The following MEI1 variants were observed in gnomAD, a reference collection of about 807,000 sequenced individuals.
The protein encoded by MEI1 is meiotic double-stranded break formation protein 1.
A neutral mutation model predicts 146.2 loss-of-function variants in MEI1; 103 were observed. That is an observed-to-expected ratio of 0.70 (90% confidence interval 0.60 to 0.83). The LOEUF is 0.83. Among genes scored for constraint, MEI1 ranks in the 40% least tolerant of loss-of-function variants. The pLI, the probability that MEI1 is intolerant of heterozygous loss-of-function variation, is 0.00. For synonymous variants in MEI1, 652 were observed against 628.2 expected (o/e 1.04, Z -0.57); for missense variants, 1,529 against 1,533.0 (o/e 1.00, Z 0.04).
At chr22:41,784,499 A>T (rs1173253892) in intron 25 of MEI1, 79 bp downstream of exon 25, 1 of 1,585,246 alleles carries the variant, frequency 6.3e-7, no homozygotes, top group East Asian at 2.2e-5. Flanking sequence ...TGACCAGCCA[A>T]TGGTCACTCC....
intron 14 of MEI1, chr22:41,747,411 T>G (rs2073382063): frequency 6.6e-6 from 1 of 152,324 alleles, no homozygotes; most frequent in Admixed American, 6.6e-5. Flanking sequence ...TGACCAGCCT[T>G]AATAATAACG....
In MEI1 at chr22:41,784,641, G is replaced by A. The variant is rs767987047; in HGVS notation, c.3203G>A (p.Arg1068Gln). 1.4e-5 allele frequency: 23 copies of A among 1,613,376 alleles called. No homozygotes were observed. The highest frequency in any genetic ancestry group is 1.7e-4 in the Middle Eastern group (1 of 6,060). The change falls in exon 26 of 31, where the codon CGA becomes CAA. Residue 1068 changes from arginine to glutamine, a missense_variant. Coordinates refer to ENST00000401548, the MANE Select transcript of MEI1 (RefSeq NM_152513.4). ...AILCFLRTAL[R>Q]QSFSSALVAL... Reference sequence around the variant, plus strand: ...TTATGCTTCCTGCGGACAGCCCTGCGACAAAGCTTTTCCTCTGCCCTGGTA... The same window carrying A: ...TTATGCTTCCTGCGGACAGCCCTGCAACAAAGCTTTTCCTCTGCCCTGGTA...
intron 6 of MEI1, among the ~76,000 whole-genome samples, chr22:41,723,098 C>G (rs1486810880): frequency 1.3e-5 from 2 of 152,202 alleles, no homozygotes; most frequent in Admixed American, 1.3e-4. Context: ...ATGGTACTTG[C>G]TGATGGAAGG....
rs368271605 is a variant in MEI1 at position 41,730,650 on chromosome 22, G to T, written c.1096+13G>T. On this transcript the variant is annotated intron_variant, in intron 9 of 30. Coordinates refer to ENST00000401548, the MANE Select transcript of MEI1 (RefSeq NM_152513.4). ...CACACGGTGTATGGTTGGTAGTAAGGGTCCTGTACTAGCTTTGGGTTGGGT... is the reference window on the plus strand; with the variant it reads ...CACACGGTGTATGGTTGGTAGTAAGTGTCCTGTACTAGCTTTGGGTTGGGT... The T allele has an allele frequency of 6.3e-7, 1 of 1,579,350 alleles. No homozygotes were observed. The highest frequency in any genetic ancestry group is 8.7e-7 in the Non-Finnish European group (1 of 1,148,532).
At chr22:41,756,822 G>A (rs948228893) in intron 17 of MEI1, among the ~76,000 whole-genome samples, 4 of 152,170 alleles carry the variant, frequency 2.6e-5, no homozygotes, top group South Asian at 2.1e-4. Context: ...TTATGAAACC[G>A]TTTTCGTAAG....
chr22:41,750,129 C>A (rs1335100480), intron 15 of MEI1, among the ~76,000 whole-genome samples: 3 of 152,282 alleles, frequency 2.0e-5, no homozygotes, highest in Non-Finnish European at 4.4e-5. Context: ...ACAAAACAGA[C>A]CCCTGTCCTT....
At position 41,723,979 on chromosome 22, in the gene MEI1, T is replaced by G; in HGVS notation, c.770T>G (p.Val257Gly). The change falls in exon 7 of 31, where the codon GTG becomes GGG. Residue 257 changes from valine to glycine, a missense_variant. Coordinates refer to ENST00000401548, the MANE Select transcript of MEI1 (RefSeq NM_152513.4). ...LRQLLKYDLF[V>G]SMIMNQDGLG... ...CAGCTGTTGAAGTATGATCTCTTTG[T>G]GTCCATGATCATGAACCAGGATGGA... The G allele has an allele frequency of 6.2e-7, 1 of 1,610,984 alleles. No individual in the cohort carries two copies. Among genetic ancestry groups the G allele is most frequent in the Non-Finnish European group, 8.5e-7 (1 of 1,178,530 alleles).
At position 41,732,244 on chromosome 22, in the gene MEI1, G is replaced by A. The variant is rs1043792591; in HGVS notation, c.1097-1G>A. 1.2e-5 allele frequency: 20 copies of A among 1,606,822 alleles called. No homozygotes were observed. The highest frequency in any genetic ancestry group is 1.4e-5 in the Non-Finnish European group (17 of 1,176,844). ...GCCTCTGTCATGTCATCCTGTGGTA[G>A]GGATCGAGGCAGTGGTGAGGAGCCT... On this transcript the variant is annotated splice_acceptor_variant, in intron 9 of 30. Transcript: ENST00000401548. LOFTEE classifies it high-confidence loss of function.
At chr22:41,798,697 A>G (rs2076464403) in intron 30 of MEI1, among the ~76,000 whole-genome samples, 2 of 151,644 alleles carry the variant, frequency 1.3e-5, no homozygotes. Flanking sequence ...GTAAAACCCC[A>G]TCTCTACTAA....
intron 16 of MEI1, 65 bp from the exon 17 acceptor site, chr22:41,753,884 G>A (rs866820418): frequency 1.1e-5 from 12 of 1,139,198 alleles, no homozygotes; most frequent in Admixed American, 6.8e-5. Context: ...ATATGGCAGG[G>A]ATAATGCTCT....
chr22:41,735,063 G>A (rs927319634), intron 11 of MEI1, among the ~76,000 whole-genome samples: 3 of 151,454 alleles, frequency 2.0e-5, no homozygotes, highest in African/African-American at 7.3e-5. Context: ...CCAGGTTCAC[G>A]CCATTCTCCT....
intron 26 of MEI1, among the ~76,000 whole-genome samples, chr22:41,790,203 C>T (rs2076128915): frequency 6.6e-6 from 1 of 152,166 alleles, no homozygotes; most frequent in Non-Finnish European, 1.5e-5. Context: ...GTGCCTCAGC[C>T]TACCAAGTAG....
intron 22 of MEI1, 163 bp downstream of exon 22, chr22:41,778,975 G>A (rs1433387867): frequency 1.4e-5 from 8 of 575,876 alleles, no homozygotes; most frequent in Non-Finnish European, 2.5e-5. Flanking sequence ...GGACCTCTCA[G>A]GGCTTTCTCT....
chr22:41,798,731 G>T (rs761523870), intron 30 of MEI1, among the ~76,000 whole-genome samples: 1 of 152,004 alleles, frequency 6.6e-6, no homozygotes, highest in Non-Finnish European at 1.5e-5. Context: ...AGCCGGGCAT[G>T]GTGGTGCATG....
intron 6 of MEI1, among the ~76,000 whole-genome samples, chr22:41,719,504 G>A (rs2070543473): frequency 6.6e-6 from 1 of 152,190 alleles, no homozygotes. Context: ...GTCCTTTTAT[G>A]AGGAGCCTAC....
At position 41,753,975 on chromosome 22, in the gene MEI1, C is replaced by G. The variant is rs542545385; in HGVS notation, c.1880C>G (p.Ser627Cys). The G allele has an allele frequency of 6.1e-5, 98 of 1,613,446 alleles. No homozygotes were observed. In the Admixed American group the frequency reaches 6.2e-4, roughly 10 times the overall value. ...LSHSALNQVC[S>C]NFLYYMCLNL... ...CACTCAGCCCTAAACCAGGTGTGTT[C>G]CAATTTCCTCTACTATATGTGCCTC... Residue 627 changes from serine to cysteine, a missense_variant, in exon 17 of 31, where the codon TCC becomes TGC. Transcript: ENST00000401548.
intron 11 of MEI1, among the ~76,000 whole-genome samples, chr22:41,735,826 G>T (rs1408893866): frequency 2.0e-5 from 3 of 152,134 alleles, no homozygotes; most frequent in Admixed American, 2.0e-4. Flanking sequence ...TTCTCTTACT[G>T]TAGTTCCTCT....
At chr22:41,757,606 C>G (rs1035284572) in intron 17 of MEI1, among the ~76,000 whole-genome samples, 6 of 152,158 alleles carry the variant, frequency 3.9e-5, no homozygotes, top group African/African-American at 1.4e-4. Flanking sequence ...ATATACCCTC[C>G]TCAGCCTCCC....
intron 19 of MEI1, among the ~76,000 whole-genome samples, chr22:41,764,196 G>A (rs534747335): frequency 1.3e-5 from 2 of 152,108 alleles, no homozygotes; most frequent in African/African-American, 4.8e-5. Flanking sequence ...TCCTGACCTC[G>A]TGATCTGCCC....
Sources: allele counts gnomAD v4.1 joint callset (sites outside exome capture counted in the v4.1 genomes callset), GRCh38; gene constraint gnomAD v4.1.1; transcripts MANE v1.5; gene names NCBI Gene and HGNC (gene_info 2026-07-23, HGNC 2026-07-21).